Variants in VWF observed in about 807,000 individuals in gnomAD.
The protein encoded by VWF is von Willebrand factor.
A neutral mutation model predicts 308.6 loss-of-function variants in VWF; 176 were observed. The ratio of observed to expected loss-of-function variants is 0.57; its 90% confidence interval spans 0.50 to 0.65. The LOEUF is 0.65. VWF is among the 30% of genes least tolerant of loss of function. The probability of loss-of-function intolerance (pLI) is 0.00; values close to 1 mark genes in which losing one functional copy is unlikely to be tolerated. For missense variants in VWF, 3,146 were observed against 3,648.2 expected, an observed-to-expected ratio of 0.86 and a Z score of 3.55; for synonymous variants, 1,385 against 1,443.4, an observed-to-expected ratio of 0.96 and a Z score of 0.92.
At position 5,985,049 on chromosome 12, in the gene VWF, C is replaced by A. The variant is rs1284592964; in HGVS notation, c.6972G>T (p.Glu2324Asp). The change falls in exon 40 of 52, where the codon GAG becomes GAT. Residue 2324 changes from glutamate to aspartate, a missense_variant. Glu to Asp is a conservative substitution (Grantham distance 45). Transcript: ENST00000261405. ...TCCCCCTGGTGGGACACATACCACA[C>A]TCATACTCGGGGCAGCACTGGTCTG... ...QNADQCCPEY[E>D]CVCDPVSCDL... 1 of 1,614,096 alleles carries A rather than the reference C, an allele frequency of 6.2e-7. No homozygotes were observed. Among genetic ancestry groups the A allele is most frequent in the Non-Finnish European group, 8.5e-7 (1 of 1,180,048 alleles).
At chr12:6,045,397 T>C (rs1357774086) in intron 17 of VWF, among the ~76,000 whole-genome samples, 4 of 152,236 alleles carry the variant, frequency 2.6e-5, no homozygotes, top group Non-Finnish European at 5.9e-5. Flanking sequence ...AGGAGTTTCC[T>C]GACTTTGAAA....
chr12:6,062,800 A>G (rs1944668908), intron 13 of VWF, among the ~76,000 whole-genome samples, 154 bp downstream of exon 13: 1 of 152,206 alleles, frequency 6.6e-6, no homozygotes, highest in Admixed American at 6.5e-5. Flanking sequence ...CACCAGCCTC[A>G]TAAACAAGAG....
At chr12:6,050,811 G>A (rs375484008) in intron 16 of VWF, among the ~76,000 whole-genome samples, 13 of 152,064 alleles carry the variant, frequency 8.5e-5, no homozygotes, top group Admixed American at 4.6e-4. Context: ...AAAAATTAGC[G>A]GGGCGTGGTG....
At chr12:6,079,906 C>G (rs1325906194) in intron 6 of VWF, among the ~76,000 whole-genome samples, 3 of 152,168 alleles carry the variant, frequency 2.0e-5, no homozygotes, top group African/African-American at 7.2e-5. Context: ...CCCTGCTCCC[C>G]ACCTCACACA....
chr12:6,012,910 C>T (rs532832450), intron 32 of VWF, among the ~76,000 whole-genome samples: 2 of 152,122 alleles, frequency 1.3e-5, no homozygotes, highest in African/African-American at 4.8e-5. Context: ...ACTGTGTTAG[C>T]CAAGATGGTC....
intron 5 of VWF, among the ~76,000 whole-genome samples, chr12:6,103,542 GTA>G (rs1491491111): frequency 3.4e-4 from 26 of 76,672 alleles, no homozygotes; most frequent in South Asian, 1.0e-3. Context: ...ACACATATAT[GTA>G]TACACACACA....
chr12:6,115,800 C>A (rs1237496419), intron 3 of VWF, among the ~76,000 whole-genome samples: 3 of 152,214 alleles, frequency 2.0e-5, no homozygotes, highest in Non-Finnish European at 1.5e-5. Context: ...CAGCAGCACC[C>A]ACTCCACAGT....
intron 7 of VWF, 87 bp from the exon 8 acceptor site, chr12:6,073,828 T>C (rs1170892608): frequency 6.3e-7 from 1 of 1,588,168 alleles, no homozygotes; most frequent in South Asian, 1.1e-5. Context: ...GAGCCTCTCG[T>C]GCCCACTCTG....
chr12:6,028,807 T>C (rs147553112), intron 22 of VWF, among the ~76,000 whole-genome samples: 2,325 of 152,218 alleles, frequency 0.015, 64 homozygotes, highest in African/African-American at 0.053. Context: ...TGCAAAAACA[T>C]GCCAAATTGT....
chr12:6,124,388 C>G (rs900595979), intron 1 of VWF, 33 bp downstream of exon 1: 2 of 152,380 alleles, frequency 1.3e-5, no homozygotes, highest in African/African-American at 4.8e-5. Flanking sequence ...CTTCCTCCCA[C>G]AACTGAGCCA....
At chr12:5,990,514 T>C (rs116682782) in intron 38 of VWF, among the ~76,000 whole-genome samples, 2 of 152,144 alleles carry the variant, frequency 1.3e-5, no homozygotes, top group African/African-American at 2.4e-5. Context: ...CTATTCGTGG[T>C]TGAACATAGT....
chr12:5,984,652 G>T (rs761097323), intron 40 of VWF, among the ~76,000 whole-genome samples: 14 of 152,252 alleles, frequency 9.2e-5, no homozygotes, highest in Admixed American at 4.6e-4. Context: ...AGGCTAGCAT[G>T]AAAACCTCTA....
chr12:5,971,816 C>G, intron 43 of VWF, 107 bp from the exon 44 acceptor site: 5 of 963,392 alleles, frequency 5.2e-6, no homozygotes, highest in Non-Finnish European at 8.2e-6. Flanking sequence ...CAAGTGATCA[C>G]TGGTCTGGGC....
At chr12:6,003,076 T>C (rs545647855) in intron 34 of VWF, among the ~76,000 whole-genome samples, 1 of 152,032 alleles carries the variant, frequency 6.6e-6, no homozygotes, top group African/African-American at 2.4e-5. Context: ...GTCTTAAAAA[T>C]TATCAAAGAG....
At position 6,018,981 on chromosome 12, in the gene VWF, G is replaced by A; in HGVS notation, c.4437C>T (p.Gly1479=). ...LPPDMAQVTV[G]PGLLGVSTLG... is the part of the protein sequence containing the mutation. ...GGGTCGAAACCCCCAAGAGCCCCGG[G>A]CCCACAGTGACTTGTGCCATGTCGG... Residue 1479 remains glycine (G), a synonymous_variant, in exon 28 of 52, where the codon GGC becomes GGT. Transcript: ENST00000261405. 2 of 1,613,926 alleles carry A rather than the reference G, an allele frequency of 1.2e-6. No homozygotes were observed. The highest frequency in any genetic ancestry group is 1.7e-6 in the Non-Finnish European group (2 of 1,179,858).
intron 27 of VWF, 126 bp downstream of exon 27, chr12:6,021,774 A>T: frequency 8.0e-6 from 9 of 1,124,410 alleles, no homozygotes; most frequent in Non-Finnish European, 1.2e-5. Context: ...ATAAATAAAC[A>T]AATAAAATAA....
intron 34 of VWF, among the ~76,000 whole-genome samples, chr12:6,011,099 T>C (rs1474081961): frequency 2.0e-5 from 3 of 152,188 alleles, no homozygotes; most frequent in Non-Finnish European, 2.9e-5. Context: ...TAAGCAGTCA[T>C]TGCTCCCAAA....
chr12:5,986,470 T>C (rs1314570355), intron 38 of VWF, among the ~76,000 whole-genome samples: 1 of 152,224 alleles, frequency 6.6e-6, no homozygotes, highest in Non-Finnish European at 1.5e-5. Context: ...AAATTGCCCC[T>C]GAAGAAACAC....
chr12:5,965,303 C>T (rs548981442), intron 47 of VWF, among the ~76,000 whole-genome samples: 1 of 152,158 alleles, frequency 6.6e-6, no homozygotes, highest in African/African-American at 2.4e-5. Flanking sequence ...CCCCTCAGGG[C>T]CCCTTTCCAT....
Sources: allele counts gnomAD v4.1 joint callset (sites outside exome capture counted in the v4.1 genomes callset), GRCh38; gene constraint gnomAD v4.1.1; transcripts MANE v1.5; gene names NCBI Gene and HGNC (gene_info 2026-07-23, HGNC 2026-07-21).